NHERF1: variants seen among roughly 807,000 people sequenced by gnomAD.
The protein encoded by NHERF1 is Na(+)/H(+) exchange regulatory cofactor NHE-RF1.
the NHERF1 span, among the ~76,000 whole-genome samples, chr17:74,752,951 A>G: frequency 6.6e-6 from 1 of 152,338 alleles, no homozygotes; most frequent in East Asian, 1.9e-4. Flanking sequence ...ATGAATATAT[A>G]ACAACAGTCA....
At chr17:74,765,908 T>A in the NHERF1 span, among the ~76,000 whole-genome samples, 1 of 152,024 alleles carries the variant, frequency 6.6e-6, no homozygotes, top group South Asian at 2.1e-4. Flanking sequence ...TGGTTCCAAT[T>A]TTGGTGTCAT....
At chr17:74,762,585 C>T in the NHERF1 span, among the ~76,000 whole-genome samples, 1 of 151,266 alleles carries the variant, frequency 6.6e-6, no homozygotes, top group African/African-American at 2.4e-5. The surrounding 1 kb of genome is among the most constrained non-coding windows in gnomAD (Gnocchi z 4.2). Context: ...AATGGAGTCT[C>T]GCTTTGTTGC....
the NHERF1 span, chr17:74,768,569 CAA>C: frequency 2.5e-6 from 4 of 1,614,108 alleles, no homozygotes; most frequent in South Asian, 3.3e-5. Context: ...TGGCCATGGC[CAA>C]AGAGAGGGCC....
chr17:74,762,185 C>T, the NHERF1 span: 2 of 1,613,612 alleles, frequency 1.2e-6, no homozygotes, highest in East Asian at 2.2e-5. The surrounding 1 kb of genome is among the most constrained non-coding windows in gnomAD (Gnocchi z 4.2). Flanking sequence ...TGATGCTTCT[C>T]GCTCTCTTCC....
chr17:74,768,509 G>A, the NHERF1 span: 63 of 1,613,814 alleles, frequency 3.9e-5, no homozygotes, highest in Admixed American at 5.0e-5. Flanking sequence ...ACTCCACAGC[G>A]CCCTCGTCTA....
the NHERF1 span, among the ~76,000 whole-genome samples, chr17:74,761,440 G>A: frequency 6.6e-6 from 1 of 152,226 alleles, no homozygotes; most frequent in Non-Finnish European, 1.5e-5. This position sits in a 1 kb window ranked among gnomAD's most constrained non-coding sequence, Gnocchi z 4.3. Flanking sequence ...GGGCCATTCG[G>A]CTTGGTGGGG....
the NHERF1 span, among the ~76,000 whole-genome samples, chr17:74,751,192 C>T: frequency 8.6e-4 from 131 of 152,326 alleles, no homozygotes; most frequent in African/African-American, 2.8e-3. This position sits in a 1 kb window ranked among gnomAD's most constrained non-coding sequence, Gnocchi z 4.3. Context: ...GCGTTTGAAT[C>T]CCAGCTCCTC....
At chr17:74,763,133 T>TGGATA in the NHERF1 span, 1 of 496,332 alleles carries the variant, frequency 2.0e-6, no homozygotes, top group Non-Finnish European at 3.6e-6. Context: ...TAGTCTCGTC[T>TGGATA]GGATATTTTC....
chr17:74,764,563 T>TA, the NHERF1 span, among the ~76,000 whole-genome samples: 3 of 152,150 alleles, frequency 2.0e-5, no homozygotes, highest in Non-Finnish European at 4.4e-5. This position sits in a 1 kb window ranked among gnomAD's most constrained non-coding sequence, Gnocchi z 4.9. Context: ...AGGGATCTGA[T>TA]ACGAGGAAGA....
At chr17:74,768,979 C>T in the NHERF1 span, 11 of 406,434 alleles carry the variant, frequency 2.7e-5, no homozygotes, top group Non-Finnish European at 4.1e-5. Flanking sequence ...GGCGAGAGGG[C>T]ACCCTCCCTT....
chr17:74,748,704 G>T, the NHERF1 span: 1 of 707,528 alleles, frequency 1.4e-6, no homozygotes, highest in South Asian at 1.9e-5. This position sits in a 1 kb window ranked among gnomAD's most constrained non-coding sequence, Gnocchi z 4.3. Context: ...ACGGTTCCTG[G>T]GACACCTGCT....
At chr17:74,758,344 C>T in the NHERF1 span, among the ~76,000 whole-genome samples, 3 of 152,140 alleles carry the variant, frequency 2.0e-5, no homozygotes, top group African/African-American at 7.2e-5. The surrounding 1 kb of genome is among the most constrained non-coding windows in gnomAD (Gnocchi z 4.3). Context: ...GAGGAGGCCC[C>T]GGGAGAAGGG....
the NHERF1 span, chr17:74,761,882 T>A: frequency 7.0e-6 from 6 of 860,228 alleles, no homozygotes; most frequent in Non-Finnish European, 1.1e-5. The surrounding 1 kb of genome is among the most constrained non-coding windows in gnomAD (Gnocchi z 4.3). Flanking sequence ...CAAATTGCTG[T>A]GTAGGGATCT....
chr17:74,764,515 G>T, the NHERF1 span, among the ~76,000 whole-genome samples: 1 of 152,136 alleles, frequency 6.6e-6, no homozygotes, highest in African/African-American at 2.4e-5. The surrounding 1 kb of genome is among the most constrained non-coding windows in gnomAD (Gnocchi z 4.9). Context: ...TCCACTGAGG[G>T]GGAGACTAAG....
At chr17:74,749,064 A>T in the NHERF1 span, 1 of 1,595,206 alleles carries the variant, frequency 6.3e-7, no homozygotes, top group South Asian at 1.1e-5. The surrounding 1 kb of genome is among the most constrained non-coding windows in gnomAD (Gnocchi z 5.6). Context: ...GAGACCCACC[A>T]GCAGGTGGTG....
At chr17:74,766,761 A>AT in the NHERF1 span, among the ~76,000 whole-genome samples, 2 of 151,994 alleles carry the variant, frequency 1.3e-5, no homozygotes, top group Admixed American at 6.6e-5. Flanking sequence ...ATAAAAAAAA[A>AT]ATTTTTTTTA....
the NHERF1 span, among the ~76,000 whole-genome samples, chr17:74,766,762 AT>A: frequency 6.6e-6 from 1 of 151,486 alleles, no homozygotes; most frequent in East Asian, 1.9e-4. Flanking sequence ...TAAAAAAAAA[AT>A]TTTTTTTAAA....
chr17:74,760,224 G>C, the NHERF1 span, among the ~76,000 whole-genome samples: 1 of 152,176 alleles, frequency 6.6e-6, no homozygotes, highest in African/African-American at 2.4e-5. This position sits in a 1 kb window ranked among gnomAD's most constrained non-coding sequence, Gnocchi z 4.5. Context: ...GGAGTGCCGG[G>C]GGGTGAGCCT....
the NHERF1 span, chr17:74,768,753 T>A: frequency 9.8e-7 from 1 of 1,025,502 alleles, no homozygotes; most frequent in Non-Finnish European, 1.5e-6. Context: ...AATGTACAAA[T>A]CAGCACCCAC....
Sources: allele counts gnomAD v4.1 joint callset (sites outside exome capture counted in the v4.1 genomes callset), GRCh38; gene constraint gnomAD v4.1.1; non-coding constraint Gnocchi (gnomAD v3.1); transcripts MANE v1.5; gene names NCBI Gene and HGNC (gene_info 2026-07-23, HGNC 2026-07-21).